THAP4: variants seen among roughly 807,000 people sequenced by gnomAD.
The protein encoded by THAP4 is THAP domain containing 4, also known as peroxynitrite isomerase THAP4.
A neutral mutation model predicts 48.1 loss-of-function variants in THAP4; 18 were observed. That is an observed-to-expected ratio of 0.37 (90% CI 0.26 to 0.56). The LOEUF is 0.56. Among genes scored for constraint, THAP4 ranks in the 20% least tolerant of loss-of-function variants. The pLI is 0.78. For synonymous variants in THAP4, 345 were observed against 324.9 expected, an observed-to-expected ratio of 1.06 and a Z score of -0.66; for missense variants, 656 against 774.9, an observed-to-expected ratio of 0.85 and a Z score of 1.82.
intron 1 of THAP4, among the ~76,000 whole-genome samples, 192 bp downstream of exon 1, chr2:241,636,749 C>T (rs1453292910): frequency 2.0e-5 from 3 of 150,986 alleles, no homozygotes; most frequent in African/African-American, 7.3e-5. Flanking sequence ...GTGGGGGCGG[C>T]TGCGCTGCCC....
At chr2:241,636,098 G>C (rs1420639483) in intron 1 of THAP4, among the ~76,000 whole-genome samples, 1 of 152,200 alleles carries the variant, frequency 6.6e-6, no homozygotes, top group East Asian at 1.9e-4. Flanking sequence ...TCAAGAAAGT[G>C]CGCTGGCTGA....
At chr2:241,635,394 A>G (rs2067622871) in intron 1 of THAP4, among the ~76,000 whole-genome samples, 1 of 152,264 alleles carries the variant, frequency 6.6e-6, no homozygotes, top group South Asian at 2.1e-4. Context: ...ATGTTTAGTC[A>G]TTTCTTTATT....
intron 4 of THAP4, 124 bp downstream of exon 4, chr2:241,602,846 T>G (rs563895298): frequency 8.3e-4 from 619 of 742,922 alleles, no homozygotes; most frequent in Non-Finnish European, 1.2e-3. Context: ...CTCAGGGCCA[T>G]CCCCACGGTC....
chr2:241,586,196 G>A (rs1381564485), intron 5 of THAP4, among the ~76,000 whole-genome samples: 1 of 148,278 alleles, frequency 6.7e-6, no homozygotes, highest in Non-Finnish European at 1.5e-5. Context: ...GGCGGAGCTT[G>A]CAGTGAGCCA....
intron 2 of THAP4, among the ~76,000 whole-genome samples, chr2:241,622,546 G>A (rs953399506): frequency 1.4e-4 from 21 of 151,708 alleles, no homozygotes; most frequent in Non-Finnish European, 7.4e-5. Flanking sequence ...AGTAAGTGAA[G>A]GTAAAATAAA....
upstream of THAP4, chr2:241,637,220 G>A (rs1171128914): frequency 3.0e-6 from 3 of 992,788 alleles, no homozygotes; most frequent in Middle Eastern, 5.1e-4. Context: ...GTCCTCGCCA[G>A]CCGCGGGTTC....
rs1157235888 is a variant in THAP4, at chr2:241,637,034, G to A, written c.-17C>T. 1.6e-6 allele frequency: 2 copies of A among 1,245,214 alleles called. No homozygotes were observed. Among genetic ancestry groups the A allele is most frequent in the Non-Finnish European group, 2.1e-6 (2 of 969,974 alleles). The allele number at this position is 1,245,214 out of a possible 1,614,324, so 77.1% of individuals were successfully genotyped here. The stretch of plus-strand genomic sequence containing the variant: ...GATCACCATCGCGGGCCTTGGCCCA[G>A]CCGCGCAGCCAGGCCCCGGCCCTAG... On this transcript the variant is annotated 5_prime_UTR_variant, in exon 1 of 6. Coordinates refer to ENST00000407315, the MANE Select transcript of THAP4 (RefSeq NM_015963.6).
At chr2:241,598,972 G>A (rs1021262472) in intron 5 of THAP4, among the ~76,000 whole-genome samples, 2 of 151,710 alleles carry the variant, frequency 1.3e-5, no homozygotes, top group Admixed American at 6.6e-5. Context: ...AAGGCTATCC[G>A]GCTGGGCGCA....
chr2:241,613,963 G>C (rs2067308537), intron 2 of THAP4, among the ~76,000 whole-genome samples: 1 of 151,904 alleles, frequency 6.6e-6, no homozygotes, highest in African/African-American at 2.4e-5. Context: ...ACCAGCCTGG[G>C]CAACATAGTG....
rs2125084883 is a variant in THAP4 at position 241,612,151 on chromosome 2, A to G, written c.1241-5678T>C. On this transcript the variant is annotated intron_variant, in intron 2 of 5. Transcript: ENST00000407315. This position sits in a 1 kb window ranked among gnomAD's most constrained non-coding sequence, Gnocchi z 4.1. ...GACCTGGCAGAAGTCGAGAAAGTAAAAGAAAAAAAATCAAGCCACCACCCA... is the reference window on the plus strand; with the variant it reads ...GACCTGGCAGAAGTCGAGAAAGTAAGAGAAAAAAAATCAAGCCACCACCCA... Among the ~76,000 whole-genome samples the G allele has an allele frequency of 6.6e-6, 1 of 152,336 alleles. No individual in the cohort carries two copies. The highest frequency in any genetic ancestry group is 2.1e-4 in the South Asian group (1 of 4,826).
At position 241,633,888 on chromosome 2, in the gene THAP4, T is replaced by C; in HGVS notation, c.269A>G (p.Lys90Arg). Residue 90 changes from lysine to arginine, a missense_variant, in exon 2 of 6, where the codon AAG becomes AGG. This residue lies in a region of THAP4 where 391 missense variants were observed against 412.4 expected (regional missense o/e 0.95). Coordinates refer to ENST00000407315, the MANE Select transcript of THAP4 (RefSeq NM_015963.6). The surrounding 1 kb of genome is among the most constrained non-coding windows in gnomAD (Gnocchi z 7.5). ...GCCATGGCCTCCAGCCCCCCTCTTC[T>C]TCTCGGTCAGGTGGAAGATGGATGG... Reference protein sequence around the residue: ...AVPSIFHLTEKKRGAGGHGRT... With the variant: ...AVPSIFHLTERKRGAGGHGRT... 3.1e-6 allele frequency: 5 copies of C among 1,613,972 alleles called. No homozygotes were observed. Among genetic ancestry groups the C allele is most frequent in the Non-Finnish European group, 4.2e-6 (5 of 1,179,944 alleles).
chr2:241,620,332 T>G (rs2067411754), intron 2 of THAP4, among the ~76,000 whole-genome samples: 1 of 50,620 alleles, frequency 2.0e-5, no homozygotes, highest in Non-Finnish European at 3.6e-5. Flanking sequence ...AGTCGGTGAG[T>G]GAGTCAGTGA....
chr2:241,633,287 G>A lies in THAP4; in HGVS notation c.870C>T (p.Thr290=), dbSNP rs773652037. The change falls in exon 2 of 6, where the codon ACC becomes ACT. Residue 290 remains threonine (T), a synonymous_variant. Coordinates refer to ENST00000407315, the MANE Select transcript of THAP4 (RefSeq NM_015963.6). This position sits in a 1 kb window ranked among gnomAD's most constrained non-coding sequence, Gnocchi z 7.5. The stretch of plus-strand genomic sequence containing the variant: ...TCTGGGAAGGCTTCTGCGGTGTCGC[G>A]GTAAGTGATGAGCTGGGAGGGCTCT... The part of the protein sequence containing the change: ...LAQSPPSSSL[T]ATPQKPSQSP... The A allele has an allele frequency of 3.7e-6, 6 of 1,611,886 alleles. No homozygotes were observed. The highest frequency in any genetic ancestry group is 1.1e-5 in the South Asian group (1 of 91,072).
intron 5 of THAP4, among the ~76,000 whole-genome samples, chr2:241,600,304 T>C (rs1346617502): frequency 6.6e-6 from 1 of 152,234 alleles, no homozygotes; most frequent in Non-Finnish European, 1.5e-5. Flanking sequence ...ATTCGATGAA[T>C]GGTGTTGGGA....
chr2:241,628,036 G>A (rs903863888), intron 2 of THAP4, among the ~76,000 whole-genome samples: 15 of 151,896 alleles, frequency 9.9e-5, no homozygotes, highest in African/African-American at 2.4e-4. Flanking sequence ...CCCCCTCTCC[G>A]CCCAGCTCCA....
intron 2 of THAP4, among the ~76,000 whole-genome samples, chr2:241,628,601 C>T (rs1394288939): frequency 1.3e-5 from 2 of 151,768 alleles, no homozygotes; most frequent in Non-Finnish European, 2.9e-5. Flanking sequence ...TCTGAGCCAT[C>T]GCCATCTACC....
At chr2:241,600,502 T>C (rs932744350) in intron 5 of THAP4, among the ~76,000 whole-genome samples, 8 of 151,690 alleles carry the variant, frequency 5.3e-5, no homozygotes, top group African/African-American at 1.9e-4. Context: ...CCGAGGCAGG[T>C]GGATCACAAG....
rs951037108 is a variant in THAP4, at chr2:241,610,093, G to A, written c.1241-3620C>T. Among the ~76,000 whole-genome samples the A allele has an allele frequency of 6.6e-6, 1 of 152,206 alleles. No homozygotes were observed. Among genetic ancestry groups the A allele is most frequent in the Non-Finnish European group, 1.5e-5 (1 of 68,022 alleles). The stretch of plus-strand genomic sequence containing the variant: ...GGCCCCTGGGTCCCGAGGGCCCCGA[G>A]GAAGAGGCCAAGGGGCCTGGCGGCG... On this transcript the variant is annotated intron_variant, in intron 2 of 5. Transcript: ENST00000407315. This position sits in a 1 kb window ranked among gnomAD's most constrained non-coding sequence, Gnocchi z 4.2.
At position 241,610,822 on chromosome 2, in the gene THAP4, G is replaced by GGACAGA. The variant is rs1553557782; in HGVS notation, c.1241-4355_1241-4350dup. Among the ~76,000 whole-genome samples, 10 of 151,884 alleles carry GGACAGA rather than the reference G, an allele frequency of 6.6e-5. No homozygotes were observed. The highest frequency in any genetic ancestry group is 6.6e-4 in the Admixed American group (10 of 15,246). Reference sequence around the variant, plus strand: ...CCAGGGACAGCGAGAGACGGGACGGGGACAGAGACACAGAGACAGAGAGAC... The same window carrying GGACAGA: ...CCAGGGACAGCGAGAGACGGGACGGGGACAGAGACAGAGACACAGAGACAGAGAGAC... On this transcript the variant is annotated intron_variant, in intron 2 of 5. Transcript: ENST00000407315. The surrounding 1 kb of genome is among the most constrained non-coding windows in gnomAD (Gnocchi z 4.2).
Sources: allele counts gnomAD v4.1 joint callset (sites outside exome capture counted in the v4.1 genomes callset), GRCh38; gene constraint gnomAD v4.1.1; regional missense constraint gnomAD v4.1.1; non-coding constraint Gnocchi (gnomAD v3.1); transcripts MANE v1.5; gene names NCBI Gene and HGNC (gene_info 2026-07-23, HGNC 2026-07-21).